Variants in PID1 observed in about 807,000 individuals in gnomAD.
PID1 encodes the protein phosphotyrosine interaction domain containing 1, also known as PTB-containing, cubilin and LRP1-interacting protein.
Under a neutral mutation model 19.1 loss-of-function variants are expected in PID1, and 10 were observed. The observed-to-expected ratio is 0.52, with a 90% CI of 0.32 to 0.89. PID1 has a LOEUF of 0.89. Ranked by LOEUF, PID1 falls within the 40% of genes least tolerant of loss-of-function variation. The pLI, the probability that PID1 is intolerant of heterozygous loss-of-function variation, is 0.03. For missense variants in PID1, 248 were observed against 285.3 expected, an observed-to-expected ratio of 0.87 and a Z score of 0.94; for synonymous variants, 130 against 116.0, an observed-to-expected ratio of 1.12 and a Z score of -0.78.
chr2:229,270,814 G>A (rs1192963470), intron 1 of PID1, among the ~76,000 whole-genome samples, 200 bp downstream of exon 1: 2 of 152,114 alleles, frequency 1.3e-5, no homozygotes, highest in Non-Finnish European at 2.9e-5. Context: ...GCCTGAACCC[G>A]TGCGTTTATC....
chr2:229,094,924 A>C (rs1453605370), intron 2 of PID1, among the ~76,000 whole-genome samples: 8 of 152,230 alleles, frequency 5.3e-5, no homozygotes, highest in Non-Finnish European at 1.2e-4. Flanking sequence ...GACACAATTT[A>C]GTATGGGCCA....
chr2:229,160,248 A>C (rs1468890449), intron 1 of PID1, among the ~76,000 whole-genome samples: 4 of 152,226 alleles, frequency 2.6e-5, no homozygotes, highest in African/African-American at 9.6e-5. Context: ...CAAATGCCGC[A>C]ACCATTGATT....
intron 1 of PID1, among the ~76,000 whole-genome samples, chr2:229,164,159 A>G (rs1380312446): frequency 6.6e-6 from 1 of 152,092 alleles, no homozygotes; most frequent in Non-Finnish European, 1.5e-5. Context: ...ACTAAACACC[A>G]TTTGCTATTT....
intron 1 of PID1, among the ~76,000 whole-genome samples, chr2:229,174,866 C>A (rs1690786712): frequency 6.6e-6 from 1 of 152,208 alleles, no homozygotes; most frequent in Non-Finnish European, 1.5e-5. Context: ...ATTGCAACTT[C>A]TTTGATACTC....
chr2:229,100,965 AACT>A (rs1695062120), intron 2 of PID1, among the ~76,000 whole-genome samples: 2 of 152,210 alleles, frequency 1.3e-5, no homozygotes, highest in Non-Finnish European at 2.9e-5. Context: ...CAGCAAATAA[AACT>A]ACTGTGTTCC....
chr2:229,223,315 T>G (rs753637351), intron 1 of PID1, among the ~76,000 whole-genome samples: 3 of 152,236 alleles, frequency 2.0e-5, no homozygotes, highest in Admixed American at 6.5e-5. Flanking sequence ...CTTTTATTAT[T>G]AATAAGCTTA....
chr2:229,213,202 C>T (rs1311757033), intron 1 of PID1, among the ~76,000 whole-genome samples: 1 of 152,070 alleles, frequency 6.6e-6, no homozygotes, highest in Non-Finnish European at 1.5e-5. Context: ...TGGCAAAATG[C>T]CCAGCTTCCA....
At chr2:229,214,944 C>G (rs2106252840) in intron 1 of PID1, among the ~76,000 whole-genome samples, 1 of 152,094 alleles carries the variant, frequency 6.6e-6, no homozygotes, top group South Asian at 2.1e-4. Context: ...TACTATATAT[C>G]CAAAATTTTT....
chr2:229,124,586 C>A (rs1395775383), intron 2 of PID1, among the ~76,000 whole-genome samples: 1 of 152,058 alleles, frequency 6.6e-6, no homozygotes, highest in East Asian at 1.9e-4. Flanking sequence ...TGCCTTTATT[C>A]TACTCAACAG....
chr2:229,106,535 G>C (rs891840376), intron 2 of PID1, among the ~76,000 whole-genome samples: 3 of 152,194 alleles, frequency 2.0e-5, no homozygotes, highest in Non-Finnish European at 4.4e-5. Context: ...TAGGTCATGA[G>C]AGTGGGACCC....
intron 1 of PID1, among the ~76,000 whole-genome samples, chr2:229,165,512 C>A (rs1417865135): frequency 6.6e-6 from 1 of 151,854 alleles, no homozygotes; most frequent in Admixed American, 6.6e-5. Context: ...CCCAGGAGTT[C>A]CAGGCTGCAG....
intron 2 of PID1, among the ~76,000 whole-genome samples, chr2:229,091,079 A>G (rs1171305800): frequency 1.3e-5 from 2 of 152,330 alleles, no homozygotes; most frequent in East Asian, 3.9e-4. Context: ...AACTTTATCT[A>G]TAAGTAATTA....
chr2:229,209,124 A>G (rs777653398), intron 1 of PID1, among the ~76,000 whole-genome samples: 1 of 152,246 alleles, frequency 6.6e-6, no homozygotes, highest in African/African-American at 2.4e-5. Flanking sequence ...AGAGGGCCAC[A>G]TCTTATGCAA....
At chr2:229,231,987 C>A in intron 1 of PID1, 4 of 1,550,470 alleles carry the variant, frequency 2.6e-6, no homozygotes, top group Non-Finnish European at 3.5e-6. Context: ...CTTGTGAGAG[C>A]TGCAGCACTT....
chr2:229,158,758 A>G (rs1432649559), intron 1 of PID1, among the ~76,000 whole-genome samples: 1 of 152,264 alleles, frequency 6.6e-6, no homozygotes, highest in Non-Finnish European at 1.5e-5. Flanking sequence ...CCTTCGCCTC[A>G]GTAAAAACTG....
intron 2 of PID1, among the ~76,000 whole-genome samples, chr2:229,067,180 CACTT>C (rs1694345632): frequency 6.6e-6 from 1 of 152,230 alleles, no homozygotes; most frequent in East Asian, 1.9e-4. Context: ...CATAAGACCT[CACTT>C]ACTATCATGA....
chr2:229,169,007 T>G (rs1002236160), intron 1 of PID1, among the ~76,000 whole-genome samples: 1 of 152,182 alleles, frequency 6.6e-6, no homozygotes, highest in Non-Finnish European at 1.5e-5. Flanking sequence ...CAGCTTTCTT[T>G]GTACTCCTGA....
intron 2 of PID1, among the ~76,000 whole-genome samples, chr2:229,117,146 C>T (rs1028777433): frequency 7.9e-5 from 12 of 152,188 alleles, no homozygotes; most frequent in African/African-American, 2.7e-4. Context: ...AGATCAACAT[C>T]TCTATTTTGA....
intron 1 of PID1, among the ~76,000 whole-genome samples, chr2:229,220,447 A>T (rs1691941998): frequency 6.6e-6 from 1 of 152,196 alleles, no homozygotes; most frequent in Admixed American, 6.5e-5. Flanking sequence ...CCCCAAGCCC[A>T]CATGGGTTGG....
Sources: gnomAD v4.1 joint callset for allele counts (sites outside exome capture counted in the v4.1 genomes callset) on GRCh38, gnomAD v4.1.1 for gene constraint, MANE v1.5 for transcripts, NCBI Gene and HGNC (gene_info 2026-07-23, HGNC 2026-07-21) for gene names.